The following CNTNAP2 variants were observed in gnomAD, a reference collection of about 807,000 sequenced individuals.
CNTNAP2 encodes the protein contactin-associated protein-like 2.
CNTNAP2 carries 98 observed loss-of-function variants against 155.2 expected under a neutral mutation model. That is an observed-to-expected ratio of 0.63 (90% CI 0.54 to 0.75). The LOEUF is 0.75. Ranked by LOEUF, CNTNAP2 falls within the 30% of genes least tolerant of loss-of-function variation. The probability of loss-of-function intolerance (pLI) is 0.00; values close to 1 mark genes in which losing one functional copy is unlikely to be tolerated. For synonymous variants in CNTNAP2, 651 were observed against 631.2 expected, an observed-to-expected ratio of 1.03 and a Z score of -0.47; for missense variants, 1,727 against 1,688.1, an observed-to-expected ratio of 1.02 and a Z score of -0.40.
intron 1 of CNTNAP2, among the ~76,000 whole-genome samples, chr7:146,353,671 T>G (rs1794955175): frequency 1.3e-5 from 2 of 152,130 alleles, no homozygotes; most frequent in African/African-American, 4.8e-5. Context: ...AGCATGACAG[T>G]CAAGCTCCTT....
At chr7:146,628,447 A>G (rs1054664142) in intron 1 of CNTNAP2, among the ~76,000 whole-genome samples, 2 of 152,146 alleles carry the variant, frequency 1.3e-5, no homozygotes, top group Non-Finnish European at 2.9e-5. Context: ...TGGTGACTAT[A>G]GTTAACAATA....
At chr7:147,313,679 C>T (rs1245156432) in intron 9 of CNTNAP2, among the ~76,000 whole-genome samples, 3 of 152,032 alleles carry the variant, frequency 2.0e-5, no homozygotes, top group African/African-American at 4.8e-5. Flanking sequence ...TGTAGTATAG[C>T]TTGAAGTCAG....
At chr7:146,174,573 C>T (rs1044203031) in intron 1 of CNTNAP2, among the ~76,000 whole-genome samples, 5 of 152,092 alleles carry the variant, frequency 3.3e-5, no homozygotes, top group African/African-American at 4.8e-5. Context: ...CGTGGTGGCT[C>T]ACACCTGTAA....
At chr7:147,597,644 G>T (rs1404670238) in intron 12 of CNTNAP2, among the ~76,000 whole-genome samples, 2 of 152,134 alleles carry the variant, frequency 1.3e-5, no homozygotes, top group Non-Finnish European at 2.9e-5. Context: ...TAACATGTGA[G>T]TTAGATAGGA....
Position 146,838,973 on chromosome 7 carries a change from G to A in CNTNAP2, c.209-738G>A, listed in dbSNP as rs183545066. Among the ~76,000 whole-genome samples the A allele has an allele frequency of 3.2e-4, 48 of 152,128 alleles. No individual in the cohort carries two copies. The East Asian group carries it at 8.7e-3, about 28-fold the overall frequency. ...AACCCTAGTTATTTTAAATATTACT[G>A]TAAATTAAGAATATTGATCTATATG... On this transcript the variant is annotated intron_variant, in intron 2 of 23. Coordinates refer to ENST00000361727, the MANE Select transcript of CNTNAP2 (RefSeq NM_014141.6).
At chr7:146,930,046 C>T (rs1228716095) in intron 3 of CNTNAP2, among the ~76,000 whole-genome samples, 3 of 152,098 alleles carry the variant, frequency 2.0e-5, no homozygotes, top group Non-Finnish European at 2.9e-5. Context: ...CTTCCCCAAT[C>T]TAGCAAGGCA....
chr7:146,191,970 A>C (rs950068817), intron 1 of CNTNAP2, among the ~76,000 whole-genome samples: 7 of 152,216 alleles, frequency 4.6e-5, no homozygotes, highest in Non-Finnish European at 5.9e-5. Context: ...AAGAGATTAA[A>C]GTAAAGACAG....
chr7:147,596,894 G>A (rs766822439), intron 12 of CNTNAP2, among the ~76,000 whole-genome samples: 16 of 152,228 alleles, frequency 1.1e-4, no homozygotes, highest in Admixed American at 2.0e-4. Flanking sequence ...ACCTCTAGTC[G>A]TCTTCATTGC....
At chr7:146,293,938 T>C (rs1800472279) in intron 1 of CNTNAP2, among the ~76,000 whole-genome samples, 1 of 152,110 alleles carries the variant, frequency 6.6e-6, no homozygotes, top group Non-Finnish European at 1.5e-5. Context: ...GGGCTGCCTT[T>C]CAAAATTTCC....
chr7:148,069,807 T>C (rs1327733246), intron 15 of CNTNAP2, among the ~76,000 whole-genome samples: 1 of 150,812 alleles, frequency 6.6e-6, no homozygotes, highest in Admixed American at 6.6e-5. Flanking sequence ...AGGGGACATA[T>C]GCATCTCCAT....
chr7:147,267,436 C>CCT (rs1216488131), intron 8 of CNTNAP2, among the ~76,000 whole-genome samples: 1 of 152,106 alleles, frequency 6.6e-6, no homozygotes, highest in African/African-American at 2.4e-5. Flanking sequence ...ATGGTGATGT[C>CCT]CTCTCCTAGA....
chr7:146,391,107 T>G (rs1014051526), intron 1 of CNTNAP2, among the ~76,000 whole-genome samples: 1 of 147,724 alleles, frequency 6.8e-6, no homozygotes, highest in Non-Finnish European at 1.5e-5. Flanking sequence ...ATATATTATA[T>G]TATATATTTA....
intron 1 of CNTNAP2, among the ~76,000 whole-genome samples, chr7:146,252,130 A>G (rs1799765148): frequency 6.6e-6 from 1 of 152,210 alleles, no homozygotes; most frequent in Admixed American, 6.5e-5. Context: ...CAAATCAAAT[A>G]ATCACATTGA....
chr7:147,508,819 C>T (rs761605434), intron 11 of CNTNAP2, among the ~76,000 whole-genome samples: 3 of 152,280 alleles, frequency 2.0e-5, no homozygotes, highest in South Asian at 2.1e-4. Context: ...ATGACTCCTT[C>T]GCCTTCTGCC....
chr7:147,326,330 G>A lies in CNTNAP2; in HGVS notation c.1498+26040G>A, dbSNP rs144218571. On this transcript the variant is annotated intron_variant, in intron 9 of 23. Transcript: ENST00000361727. ...TTGTGCCTGGCTTATTTCACATCAC[G>A]TTTCTTTAGGATCCATATATGTTGC... 8.0e-4 allele frequency among the ~76,000 whole-genome samples: 121 copies of A among 152,196 alleles called. 1 individual carries two copies. Among genetic ancestry groups the A allele is most frequent in the African/African-American group, 2.7e-3 (113 of 41,520 alleles).
intron 21 of CNTNAP2, among the ~76,000 whole-genome samples, chr7:148,324,519 C>A (rs140132514): frequency 6.6e-6 from 1 of 152,138 alleles, no homozygotes; most frequent in Non-Finnish European, 1.5e-5. Flanking sequence ...GATCTGAGGT[C>A]GGGCGCAGCG....
At position 147,626,768 on chromosome 7, in the gene CNTNAP2, A is replaced by G. The variant is rs150307936; in HGVS notation, c.1898-12338A>G. On this transcript the variant is annotated intron_variant, in intron 12 of 23. Coordinates refer to ENST00000361727, the MANE Select transcript of CNTNAP2 (RefSeq NM_014141.6). ...TAACCCTGATCCCAGGAAGGAGAAG[A>G]CAACACCTAATTCCACTGCCTACAA... Among the ~76,000 whole-genome samples the G allele has an allele frequency of 3.3e-3, 497 of 152,320 alleles. 3 individuals are homozygous for G. The highest frequency in any genetic ancestry group is 0.011 in the African/African-American group (468 of 41,576).
chr7:146,333,038 G>A (rs550405974), intron 1 of CNTNAP2, among the ~76,000 whole-genome samples: 4 of 144,906 alleles, frequency 2.8e-5, no homozygotes, highest in South Asian at 4.3e-4. Context: ...CCGCCTCCCA[G>A]GCTCAAGTGA....
At chr7:147,393,107 A>G (rs1796750329) in intron 9 of CNTNAP2, among the ~76,000 whole-genome samples, 1 of 152,058 alleles carries the variant, frequency 6.6e-6, no homozygotes, top group African/African-American at 2.4e-5. Context: ...GGCCTAATTG[A>G]TTATAGAAGG....
Sources: gnomAD v4.1 joint callset for allele counts (sites outside exome capture counted in the v4.1 genomes callset) on GRCh38, gnomAD v4.1.1 for gene constraint, MANE v1.5 for transcripts, NCBI Gene and HGNC (gene_info 2026-07-23, HGNC 2026-07-21) for gene names.